SYN3: variants seen among roughly 807,000 people sequenced by gnomAD.
SYN3 encodes the protein synapsin III.
In SYN3, 35 loss-of-function variants were observed where a neutral mutation model predicts 65.8. The observed-to-expected ratio is 0.53, with a 90% CI of 0.41 to 0.70. The LOEUF (loss-of-function observed/expected upper bound fraction) is 0.70. Ranked by LOEUF, SYN3 falls within the 30% of genes least tolerant of loss-of-function variation. The pLI is 0.00. For synonymous variants in SYN3, 270 were observed against 292.9 expected (o/e 0.92, Z 0.80); for missense variants, 680 against 749.0 (o/e 0.91, Z 1.08).
At chr22:32,634,207 G>C (rs8140208) in intron 6 of SYN3, among the ~76,000 whole-genome samples, 13,654 of 152,166 alleles carry the variant, frequency 0.09, 1,341 homozygotes, top group African/African-American at 0.25. Flanking sequence ...TAAGGAAACT[G>C]GAGGCACAGA....
At chr22:32,613,713 C>T (rs2059477865) in intron 6 of SYN3, among the ~76,000 whole-genome samples, 1 of 152,134 alleles carries the variant, frequency 6.6e-6, no homozygotes, top group African/African-American at 2.4e-5. Context: ...TTGTTGTTAC[C>T]ATTATCATTA....
Position 32,864,590 on chromosome 22 carries a change from A to C in SYN3, c.711+325T>G, listed in dbSNP as rs185228419. The stretch of plus-strand genomic sequence containing the variant: ...AAAGGCTCAAGTAAAACAACATCCC[A>C]CCTTGAAAACATCTTTTACCTTTAT... On this transcript the variant is annotated intron_variant, in intron 6 of 13. Transcript: ENST00000358763. 4.8e-5 allele frequency: 9 copies of C among 188,584 alleles called. No individual in the cohort carries two copies. In the East Asian group the frequency reaches 1.1e-3, roughly 23 times the overall value. The allele number at this position is 188,584 out of a possible 1,614,324, so 11.7% of individuals were successfully genotyped here.
rs117696682 is a variant in SYN3 at position 32,710,850 on chromosome 22, T to C, written c.712-114114A>G. 2.6e-3 allele frequency among the ~76,000 whole-genome samples: 398 copies of C among 152,242 alleles called. 1 individual carries two copies. Among genetic ancestry groups the C allele is most frequent in the Non-Finnish European group, 4.6e-3 (313 of 68,016 alleles). Reference sequence around the variant, plus strand: ...GAGCCAATTAAACCTCTTTTCTTTATAAATTACTCCATTTCAGGTATTTCT... The same window carrying C: ...GAGCCAATTAAACCTCTTTTCTTTACAAATTACTCCATTTCAGGTATTTCT... On this transcript the variant is annotated intron_variant, in intron 6 of 13. Transcript: ENST00000358763.
At chr22:32,937,248 A>G (rs2146730589) in intron 3 of SYN3, among the ~76,000 whole-genome samples, 1 of 152,316 alleles carries the variant, frequency 6.6e-6, no homozygotes, top group East Asian at 1.9e-4. Flanking sequence ...AAACAATACA[A>G]TGGGAGAGAA....
At chr22:32,808,357 G>C (rs1484999893) in intron 6 of SYN3, among the ~76,000 whole-genome samples, 1 of 152,188 alleles carries the variant, frequency 6.6e-6, no homozygotes, top group Non-Finnish European at 1.5e-5. Flanking sequence ...CCTATGGATG[G>C]CACTTGGGTG....
At chr22:32,866,917 T>C (rs969682928) in intron 5 of SYN3, among the ~76,000 whole-genome samples, 2 of 152,232 alleles carry the variant, frequency 1.3e-5, no homozygotes, top group African/African-American at 4.8e-5. Context: ...TTTTTACCAC[T>C]TATTGAGTGT....
chr22:32,900,386 G>C (rs1252658832), intron 4 of SYN3, among the ~76,000 whole-genome samples: 8 of 152,134 alleles, frequency 5.3e-5, no homozygotes, highest in Admixed American at 5.2e-4. Flanking sequence ...CAAATTTCCT[G>C]ACAAACTTCT....
At chr22:32,806,245 A>G (rs2046732341) in intron 6 of SYN3, among the ~76,000 whole-genome samples, 1 of 152,116 alleles carries the variant, frequency 6.6e-6, no homozygotes, top group African/African-American at 2.4e-5. Context: ...CCCCTCTGAC[A>G]GTTCTGTGTC....
At chr22:32,946,245 A>G in intron 3 of SYN3, among the ~76,000 whole-genome samples, 1 of 152,222 alleles carries the variant, frequency 6.6e-6, no homozygotes, top group Non-Finnish European at 1.5e-5. Context: ...ATGCACACGT[A>G]TGTTTATTGC....
intron 6 of SYN3, among the ~76,000 whole-genome samples, chr22:32,835,270 T>A (rs947802130): frequency 3.9e-5 from 6 of 152,292 alleles, no homozygotes; most frequent in Admixed American, 1.3e-4. Flanking sequence ...GCACCTACTA[T>A]GTTCCAGACA....
At chr22:32,887,286 G>A (rs2049319683) in intron 4 of SYN3, among the ~76,000 whole-genome samples, 1 of 152,036 alleles carries the variant, frequency 6.6e-6, no homozygotes, top group South Asian at 2.1e-4. Flanking sequence ...GCTGAGGTGG[G>A]AGGATCACTT....
intron 6 of SYN3, among the ~76,000 whole-genome samples, chr22:32,798,349 C>T (rs577916189): frequency 6.6e-6 from 1 of 152,182 alleles, no homozygotes; most frequent in South Asian, 2.1e-4. Flanking sequence ...ATGGGCCACA[C>T]CTTACAGCTT....
chr22:32,528,860 CG>C lies in SYN3; in HGVS notation c.1230+13del. The C allele has an allele frequency of 6.2e-7, 1 of 1,614,036 alleles. No individual in the cohort carries two copies. Among genetic ancestry groups the C allele is most frequent in the East Asian group, 2.2e-5 (1 of 44,874 alleles). ...TCATGGCTATAAAGTCTCCTTTGAT[CG>C]TGAGGGTCTTACCCAAGGTCTGAGG... On this transcript the variant is annotated intron_variant, in intron 11 of 13. Transcript: ENST00000358763.
chr22:32,722,512 A>AG (rs2061134060), intron 6 of SYN3, among the ~76,000 whole-genome samples: 1 of 152,216 alleles, frequency 6.6e-6, no homozygotes, highest in Non-Finnish European at 1.5e-5. Flanking sequence ...GTAGATTTCA[A>AG]GGGGGAAATC....
chr22:33,033,323 T>C (rs908667883), intron 1 of SYN3, among the ~76,000 whole-genome samples: 8 of 152,184 alleles, frequency 5.3e-5, no homozygotes, highest in Admixed American at 3.9e-4. Context: ...CTTTAAAATA[T>C]GTTGTAGAGC....
intron 6 of SYN3, among the ~76,000 whole-genome samples, chr22:32,624,527 A>G (rs1336804509): frequency 6.6e-6 from 1 of 152,218 alleles, no homozygotes; most frequent in Non-Finnish European, 1.5e-5. Flanking sequence ...CCACCTCTCC[A>G]TAACTCCTAC....
At chr22:32,554,862 G>GC (rs1569033105) in intron 7 of SYN3, among the ~76,000 whole-genome samples, 1 of 151,980 alleles carries the variant, frequency 6.6e-6, no homozygotes, top group Non-Finnish European at 1.5e-5. Context: ...TCGCTGCATG[G>GC]CCTTGGGTAA....
intron 6 of SYN3, among the ~76,000 whole-genome samples, chr22:32,749,596 G>A (rs962482759): frequency 2.0e-5 from 3 of 151,974 alleles, no homozygotes; most frequent in East Asian, 1.9e-4. Flanking sequence ...AGCCAAGATC[G>A]CACCACTGCA....
intron 9 of SYN3, among the ~76,000 whole-genome samples, chr22:32,536,433 AC>A (rs2058166884): frequency 2.1e-5 from 1 of 46,680 alleles, no homozygotes; most frequent in Non-Finnish European, 3.9e-5. Context: ...CTTGGGTATT[AC>A]TACTGCTTTC....
Sources: allele counts gnomAD v4.1 joint callset (sites outside exome capture counted in the v4.1 genomes callset), GRCh38; gene constraint gnomAD v4.1.1; transcripts MANE v1.5; gene names NCBI Gene and HGNC (gene_info 2026-07-23, HGNC 2026-07-21).